Variants in INPP4A observed in about 807,000 individuals in gnomAD.
The protein encoded by INPP4A is inositol polyphosphate-4-phosphatase type I A, also known as inositol polyphosphate-4-phosphatase, type I, 107kD.
Under a neutral mutation model 119.8 loss-of-function variants are expected in INPP4A, and 33 were observed. The ratio of observed to expected loss-of-function variants is 0.28; its 90% confidence interval spans 0.21 to 0.37. INPP4A has a LOEUF of 0.37. Among genes scored for constraint, INPP4A ranks in the 10% least tolerant of loss-of-function variants. The pLI, the probability that INPP4A is intolerant of heterozygous loss-of-function variation, is 1.00. For missense variants in INPP4A, 956 were observed against 1,289.9 expected, an observed-to-expected ratio of 0.74 and a Z score of 3.97; for synonymous variants, 496 against 500.7, an observed-to-expected ratio of 0.99 and a Z score of 0.12.
At chr2:98,457,158 C>A (rs1278302630) in intron 1 of INPP4A, among the ~76,000 whole-genome samples, 5 of 152,164 alleles carry the variant, frequency 3.3e-5, no homozygotes, top group Non-Finnish European at 7.3e-5. Flanking sequence ...GGGTATGTCC[C>A]AGCCCAGACA....
intron 1 of INPP4A, among the ~76,000 whole-genome samples, chr2:98,504,923 C>T (rs531345021): frequency 1.3e-5 from 2 of 152,348 alleles, no homozygotes; most frequent in African/African-American, 4.8e-5. Flanking sequence ...AGGTGCAGGA[C>T]TGGCAATGGC....
intron 1 of INPP4A, among the ~76,000 whole-genome samples, chr2:98,469,969 A>G (rs1675648186): frequency 6.6e-6 from 1 of 152,186 alleles, no homozygotes; most frequent in Non-Finnish European, 1.5e-5. Flanking sequence ...GAGCTGCAGC[A>G]TGTTCTGCTG....
chr2:98,516,812 C>G (rs563690448), intron 1 of INPP4A, among the ~76,000 whole-genome samples: 2 of 152,250 alleles, frequency 1.3e-5, no homozygotes, highest in African/African-American at 4.8e-5. Context: ...ATGATCACAC[C>G]CCCAGCATGG....
At chr2:98,502,482 T>C (rs1028384084) in intron 1 of INPP4A, among the ~76,000 whole-genome samples, 8 of 152,150 alleles carry the variant, frequency 5.3e-5, no homozygotes, top group African/African-American at 1.9e-4. Context: ...TTAATTAGCT[T>C]TCACTGTCAC....
chr2:98,491,324 G>GCCAC (rs1680719484), intron 1 of INPP4A, among the ~76,000 whole-genome samples: 1 of 152,196 alleles, frequency 6.6e-6, no homozygotes, highest in African/African-American at 2.4e-5. Flanking sequence ...TGGACGCAGC[G>GCCAC]CCACGTAGGG....
At chr2:98,557,291 A>C (rs975354119) in intron 16 of INPP4A, among the ~76,000 whole-genome samples, 16 of 152,258 alleles carry the variant, frequency 1.1e-4, no homozygotes, top group African/African-American at 3.9e-4. Flanking sequence ...TGAAGCTTAC[A>C]TTTGAGAGAG....
intron 11 of INPP4A, among the ~76,000 whole-genome samples, chr2:98,544,474 T>C (rs1169531659): frequency 6.6e-6 from 1 of 152,226 alleles, no homozygotes; most frequent in Non-Finnish European, 1.5e-5. Flanking sequence ...ATTAAACATA[T>C]GAATTGTTAA....
At chr2:98,523,365 A>G (rs1687581684) in intron 4 of INPP4A, among the ~76,000 whole-genome samples, 1 of 151,630 alleles carries the variant, frequency 6.6e-6, no homozygotes, top group South Asian at 2.1e-4. Flanking sequence ...ATTTTACCCC[A>G]GTTTTTTTTG....
rs1252469928 is a variant in INPP4A at position 98,546,841 on chromosome 2, G to A, written c.1163+147G>A. 1.1e-5 allele frequency: 7 copies of A among 629,560 alleles called. No individual in the cohort carries two copies. Among genetic ancestry groups the A allele is most frequent in the East Asian group, 2.8e-5 (1 of 35,182 alleles). The allele number at this position is 629,560 out of a possible 1,614,324, so 39.0% of individuals were successfully genotyped here. A position where few individuals can be genotyped will look rare whatever the true frequency, so the allele number is the denominator to read the frequency against. On this transcript the variant is annotated intron_variant, in intron 13 of 24. Coordinates refer to ENST00000409851, the MANE Select transcript of INPP4A (RefSeq NM_001134225.2). This position sits in a 1 kb window ranked among gnomAD's most constrained non-coding sequence, Gnocchi z 4.2. Reference sequence around the variant, plus strand: ...CAGGAGGATCTGCCTTATGGAGCCTGTGCTGCTCTGTTTATGTGTGACTGA... The same window carrying A: ...CAGGAGGATCTGCCTTATGGAGCCTATGCTGCTCTGTTTATGTGTGACTGA...
At chr2:98,511,802 C>G (rs1685168000) in intron 1 of INPP4A, among the ~76,000 whole-genome samples, 1 of 152,182 alleles carries the variant, frequency 6.6e-6, no homozygotes, top group South Asian at 2.1e-4. Context: ...ATGCCATTGC[C>G]TGGGCTCCCC....
intron 2 of INPP4A, 93 bp from the exon 3 acceptor site, chr2:98,519,853 C>T (rs893243247): frequency 6.4e-5 from 37 of 573,980 alleles, no homozygotes; most frequent in Non-Finnish European, 1.0e-4. Flanking sequence ...GTCACTGTAC[C>T]TCGCCCCCGG....
chr2:98,453,358 G>C (rs969343233), intron 1 of INPP4A, among the ~76,000 whole-genome samples: 14 of 152,230 alleles, frequency 9.2e-5, no homozygotes, highest in African/African-American at 3.4e-4. Flanking sequence ...ATCAATTTGA[G>C]GTTGTAACTG....
intron 1 of INPP4A, among the ~76,000 whole-genome samples, chr2:98,454,051 G>A (rs1271004372): frequency 6.6e-6 from 1 of 152,168 alleles, no homozygotes; most frequent in African/African-American, 2.4e-5. Flanking sequence ...AGGTTGCAGT[G>A]AGCCGAGATC....
chr2:98,498,843 C>T (rs1014806490), intron 1 of INPP4A, among the ~76,000 whole-genome samples: 6 of 152,216 alleles, frequency 3.9e-5, no homozygotes, highest in African/African-American at 1.4e-4. Context: ...GAGGACACAG[C>T]TAGAAGGTGA....
chr2:98,460,618 T>C (rs1696978851), intron 1 of INPP4A, among the ~76,000 whole-genome samples: 1 of 152,246 alleles, frequency 6.6e-6, no homozygotes. Context: ...CAATAATGCC[T>C]GTGCTCTAAC....
Position 98,456,783 on chromosome 2 carries a change from A to G in INPP4A, c.-166+11698A>G, listed in dbSNP as rs3820948. Among the ~76,000 whole-genome samples, 52 of 152,346 alleles carry G rather than the reference A, an allele frequency of 3.4e-4. 1 individual carries two copies. The East Asian group carries it at 3.9e-3, about 11-fold the overall frequency. On this transcript the variant is annotated intron_variant, in intron 1 of 24. Coordinates refer to ENST00000409851, the MANE Select transcript of INPP4A (RefSeq NM_001134225.2). Reference sequence around the variant, plus strand: ...TGCCCAAAACACGTGTTTTGTGACTATTATTGTAGGTGCCTTTGAACTGTA... The same window carrying G: ...TGCCCAAAACACGTGTTTTGTGACTGTTATTGTAGGTGCCTTTGAACTGTA...
intron 22 of INPP4A, among the ~76,000 whole-genome samples, chr2:98,571,331 C>T (rs1330004173): frequency 1.3e-5 from 2 of 152,238 alleles, no homozygotes. Flanking sequence ...GCAGCATCTT[C>T]TGACTGCTGT....
chr2:98,576,951 GC>G, intron 23 of INPP4A, 37 bp from the exon 24 acceptor site: 1 of 1,590,532 alleles, frequency 6.3e-7, no homozygotes, highest in Non-Finnish European at 8.6e-7. Context: ...TTTCTGTGGA[GC>G]CTCGCCTCTA....
intron 1 of INPP4A, among the ~76,000 whole-genome samples, chr2:98,483,101 A>C (rs1301010013): frequency 6.6e-6 from 1 of 152,232 alleles, no homozygotes; most frequent in Non-Finnish European, 1.5e-5. Context: ...GTACTCTATA[A>C]TAATAAAATG....
Sources: allele counts gnomAD v4.1 joint callset (sites outside exome capture counted in the v4.1 genomes callset), GRCh38; gene constraint gnomAD v4.1.1; non-coding constraint Gnocchi (gnomAD v3.1); transcripts MANE v1.5; gene names NCBI Gene and HGNC (gene_info 2026-07-23, HGNC 2026-07-21).